Variants in SOS1 observed in about 807,000 individuals in gnomAD.
The protein encoded by SOS1 is SOS Ras/Rac guanine nucleotide exchange factor 1, also known as son of sevenless homolog 1.
SOS1 carries 25 observed loss-of-function variants against 157.6 expected under a neutral mutation model. The observed-to-expected ratio is 0.16, with a 90% CI of 0.12 to 0.22. SOS1 has a LOEUF of 0.22. Ranked by LOEUF, SOS1 falls within the 10% of genes least tolerant of loss-of-function variation. The pLI is 1.00. For synonymous variants in SOS1, 528 were observed against 534.0 expected (o/e 0.99, Z 0.16); for missense variants, 1,237 against 1,599.1 (o/e 0.77, Z 3.86).
Position 39,061,321 on chromosome 2 carries a change from T to C in SOS1, c.214-2517A>G, listed in dbSNP as rs557683584. Among the ~76,000 whole-genome samples, 3 of 151,848 alleles carry C rather than the reference T, an allele frequency of 2.0e-5. No individual in the cohort carries two copies. In the East Asian group the frequency reaches 5.8e-4, roughly 29 times the overall value. On this transcript the variant is annotated intron_variant, in intron 2 of 22. Transcript: ENST00000402219. ...ACTGAAGGAATTACTTTATTTCTTGTAGTGGCAAATTTATAATTTTATGAT... is the reference window on the plus strand; with the variant it reads ...ACTGAAGGAATTACTTTATTTCTTGCAGTGGCAAATTTATAATTTTATGAT...
intron 20 of SOS1, among the ~76,000 whole-genome samples, chr2:38,994,060 A>G (rs1443974250): frequency 6.6e-6 from 1 of 152,216 alleles, no homozygotes; most frequent in African/African-American, 2.4e-5. Context: ...ACATGTGATT[A>G]TTGAGCATCT....
intron 1 of SOS1, chr2:39,098,059 G>T (rs1173429052): frequency 6.6e-6 from 1 of 152,406 alleles, no homozygotes; most frequent in Non-Finnish European, 1.5e-5. Context: ...TATTACAAAA[G>T]AAAGACATGA....
At chr2:38,997,126 C>T (rs1668921249) in intron 18 of SOS1, 88 bp from the exon 19 acceptor site, 3 of 1,037,542 alleles carry the variant, frequency 2.9e-6, no homozygotes, top group African/African-American at 3.2e-5. Flanking sequence ...ACATTTAATA[C>T]AAGTAAATTT....
intron 1 of SOS1, among the ~76,000 whole-genome samples, chr2:39,068,882 A>G (rs1299045275): frequency 6.6e-6 from 1 of 152,052 alleles, no homozygotes; most frequent in Non-Finnish European, 1.5e-5. Flanking sequence ...GTTCCAGGAG[A>G]GAAACAATAC....
intron 1 of SOS1, among the ~76,000 whole-genome samples, chr2:39,080,830 A>T (rs1672174600): frequency 6.6e-6 from 1 of 152,180 alleles, no homozygotes; most frequent in Non-Finnish European, 1.5e-5. Flanking sequence ...TTTATAAGCA[A>T]CAGAAACCAT....
At chr2:39,081,317 C>T (rs1027742607) in intron 1 of SOS1, among the ~76,000 whole-genome samples, 9 of 152,130 alleles carry the variant, frequency 5.9e-5, no homozygotes, top group African/African-American at 1.9e-4. Flanking sequence ...GTCAGGAGTT[C>T]GAGACCAGCC....
chr2:38,988,438 A>T (rs1668617572), intron 21 of SOS1, among the ~76,000 whole-genome samples: 1 of 151,580 alleles, frequency 6.6e-6, no homozygotes, highest in African/African-American at 2.4e-5. Flanking sequence ...TACCTACTAT[A>T]AAAAAAGATG....
At chr2:39,078,043 T>A (rs1672076132) in intron 1 of SOS1, among the ~76,000 whole-genome samples, 3 of 152,072 alleles carry the variant, frequency 2.0e-5, no homozygotes, top group Admixed American at 6.6e-5. Flanking sequence ...AAAGGAAATA[T>A]CCAGGATAAA....
Position 38,983,328 on chromosome 2 carries a change from C to T in SOS1, c.*2496G>A, listed in dbSNP as rs1385584391. The T allele has an allele frequency of 6.6e-6, 1 of 152,120 alleles. No homozygotes were observed. Among genetic ancestry groups the T allele is most frequent in the Non-Finnish European group, 1.5e-5 (1 of 68,016 alleles). 9.4% of individuals were successfully genotyped at this position (152,120 alleles called of 1,614,324 possible). A position where few individuals can be genotyped will look rare whatever the true frequency, so the allele number is the denominator to read the frequency against. ...GAAGGCAAGGATGCCATTTTCTCACCTCCACCTAAGGGCATCCAATTGGCA... is the reference window on the plus strand; with the variant it reads ...GAAGGCAAGGATGCCATTTTCTCACTTCCACCTAAGGGCATCCAATTGGCA... On this transcript the variant is annotated 3_prime_UTR_variant, in exon 23 of 23. Coordinates refer to ENST00000402219, the MANE Select transcript of SOS1 (RefSeq NM_005633.4).
chr2:39,123,412 T>G (rs1029600403), upstream of SOS1, among the ~76,000 whole-genome samples: 2 of 151,820 alleles, frequency 1.3e-5, no homozygotes, highest in East Asian at 3.9e-4. Context: ...CAGGCTAGAA[T>G]GCAGGCGGAA....
intron 1 of SOS1, among the ~76,000 whole-genome samples, chr2:39,073,055 AAC>A (rs1478919580): frequency 6.6e-6 from 1 of 152,222 alleles, no homozygotes; most frequent in Non-Finnish European, 1.5e-5. Context: ...AGGCAGAATA[AAC>A]ACACTTCTAT....
intron 6 of SOS1, among the ~76,000 whole-genome samples, chr2:39,040,442 A>G (rs930456590): frequency 4.6e-5 from 7 of 152,158 alleles, no homozygotes; most frequent in Admixed American, 3.3e-4. Context: ...GAACTATTCT[A>G]TCATCCCAAA....
At chr2:39,028,363 C>T (rs1236088500) in intron 8 of SOS1, among the ~76,000 whole-genome samples, 1 of 152,098 alleles carries the variant, frequency 6.6e-6, no homozygotes, top group Admixed American at 6.6e-5. Flanking sequence ...ATTCAGGAGA[C>T]TAAAACTCAA....
At position 39,012,261 on chromosome 2, in the gene SOS1, ATAT is replaced by A; in HGVS notation, c.2252_2254del (p.Asn751del). ...TGTGGGAGGTGAACTCTGAAATGTA[ATAT>A]TATGACCTGGTCCATTGTCTCTTGC... is the stretch of plus-strand genomic sequence containing the variant. On this transcript the variant is annotated inframe_deletion, in exon 14 of 23. Transcript: ENST00000402219. 6.2e-7 allele frequency: 1 copy of A among 1,613,514 alleles called. No individual in the cohort carries two copies. Among genetic ancestry groups the A allele is most frequent in the Non-Finnish European group, 8.5e-7 (1 of 1,179,558 alleles).
At chr2:39,123,054 G>C (rs576047860), upstream of SOS1, among the ~76,000 whole-genome samples, 1 of 151,972 alleles carries the variant, frequency 6.6e-6, no homozygotes, top group Non-Finnish European at 1.5e-5. Context: ...TCACAACCTC[G>C]CCTCACCACA....
chr2:39,083,387 A>G (rs1672273685), intron 1 of SOS1, among the ~76,000 whole-genome samples: 2 of 152,190 alleles, frequency 1.3e-5, no homozygotes, highest in Admixed American at 6.5e-5. Context: ...AAGTCAGGAG[A>G]AGTAATATAC....
At chr2:39,096,992 T>C (rs184951740) in intron 1 of SOS1, among the ~76,000 whole-genome samples, 1 of 152,094 alleles carries the variant, frequency 6.6e-6, no homozygotes, top group African/African-American at 2.4e-5. Flanking sequence ...TACCAATAAT[T>C]AGCTACACAA....
intron 1 of SOS1, among the ~76,000 whole-genome samples, chr2:39,088,123 T>G (rs1175174788): frequency 4.8e-5 from 7 of 146,970 alleles, no homozygotes; most frequent in African/African-American, 1.3e-4. Context: ...CGGATAAATT[T>G]CTCTTTAAAG....
chr2:39,008,836 G>C (rs1367765024), intron 15 of SOS1, among the ~76,000 whole-genome samples: 1 of 152,082 alleles, frequency 6.6e-6, no homozygotes, highest in African/African-American at 2.4e-5. Context: ...GCCCTGGAAA[G>C]GGGGCTGGGG....
Sources: gnomAD v4.1 joint callset for allele counts (sites outside exome capture counted in the v4.1 genomes callset) on GRCh38, gnomAD v4.1.1 for gene constraint, MANE v1.5 for transcripts, NCBI Gene and HGNC (gene_info 2026-07-23, HGNC 2026-07-21) for gene names.